The following TMEM248 variants were observed in gnomAD, a reference collection of about 807,000 sequenced individuals.
TMEM248 encodes the protein transmembrane protein 248.
Under a neutral mutation model 30.3 loss-of-function variants are expected in TMEM248, and 9 were observed. The ratio of observed to expected loss-of-function variants is 0.30; its 90% CI spans 0.18 to 0.52. TMEM248 has a LOEUF of 0.52. Among genes scored for constraint, TMEM248 ranks in the 20% least tolerant of loss-of-function variants. The pLI is 0.97. For missense variants in TMEM248, 338 were observed against 403.3 expected, an observed-to-expected ratio of 0.84 and a Z score of 1.39; for synonymous variants, 184 against 154.4, an observed-to-expected ratio of 1.19 and a Z score of -1.42.
chr7:66,944,968 T>A lies in TMEM248; in HGVS notation c.160-8T>A, dbSNP rs769007741. ...ACACCCATTTCTCTTTCTTTCACTT[T>A]CCCAAAGGATTGGAATACTTTTCTG... is the stretch of plus-strand genomic sequence containing the variant. On this transcript the variant is annotated splice_region_variant and splice_polypyrimidine_tract_variant and intron_variant, in intron 2 of 6. Transcript: ENST00000341567. The A allele has an allele frequency of 6.2e-7, 1 of 1,612,936 alleles. No homozygotes were observed. The highest frequency in any genetic ancestry group is 1.1e-5 in the South Asian group (1 of 91,070).
intron 3 of TMEM248, among the ~76,000 whole-genome samples, chr7:66,948,231 GAC>G (rs1344351175): frequency 6.6e-5 from 10 of 152,210 alleles, no homozygotes; most frequent in Non-Finnish European, 1.5e-4. Flanking sequence ...AAAATGGCTA[GAC>G]AGCTGTGCAG....
At chr7:66,940,969 T>G (rs28524571) in intron 1 of TMEM248, among the ~76,000 whole-genome samples, 24,107 of 152,020 alleles carry the variant, frequency 0.16, 2,260 homozygotes, top group East Asian at 0.29. Flanking sequence ...GAAGATTGAG[T>G]CTGGGTACGG....
chr7:66,924,689 G>T (rs918587734), intron 1 of TMEM248, among the ~76,000 whole-genome samples: 2 of 152,044 alleles, frequency 1.3e-5, no homozygotes, highest in African/African-American at 2.4e-5. Flanking sequence ...ACAGGCATGA[G>T]CCACCACACC....
In TMEM248 at chr7:66,945,099, C is replaced by T. The variant is rs762950943; in HGVS notation, c.283C>T (p.Arg95Ter). ...PESTMTSGQARASTQSPQALE... is the reference protein window; with the variant it reads ...PESTMTSGQA The stretch of plus-strand genomic sequence containing the variant: ...AAGTACAATGACCAGCGGGCAGGCC[C>T]GAGCTTCCACCCAGTCCCCCCAGGC... Residue 95 changes from arginine (R) to a stop codon, truncating the protein, a stop_gained, in exon 3 of 7, where the codon CGA (arginine) becomes TGA (stop). Transcript: ENST00000341567. LOFTEE classifies it high-confidence loss of function. 1.2e-6 allele frequency: 2 copies of T among 1,614,250 alleles called. No individual in the cohort carries two copies. Among genetic ancestry groups the T allele is most frequent in the South Asian group, 1.1e-5 (1 of 91,088 alleles).
At chr7:66,948,482 A>G (rs1478746908) in intron 3 of TMEM248, 62 bp from the exon 4 acceptor site, 3 of 1,551,768 alleles carry the variant, frequency 1.9e-6, no homozygotes, top group Admixed American at 1.9e-5. Flanking sequence ...ATTTATTTGT[A>G]TCCCAGAGAA....
intron 1 of TMEM248, among the ~76,000 whole-genome samples, chr7:66,931,860 A>G (rs1791676630): frequency 1.6e-5 from 2 of 124,854 alleles, no homozygotes; most frequent in African/African-American, 6.3e-5. Context: ...GCTGGAGTGC[A>G]GTGGTGCTAT....
intron 1 of TMEM248, among the ~76,000 whole-genome samples, chr7:66,937,220 G>C (rs1791829723): frequency 6.6e-6 from 1 of 152,168 alleles, no homozygotes; most frequent in African/African-American, 2.4e-5. Context: ...TGTTTGTATA[G>C]TTTCCAGAAT....
intron 1 of TMEM248, among the ~76,000 whole-genome samples, chr7:66,939,486 G>A (rs1215590730): frequency 6.6e-6 from 1 of 152,204 alleles, no homozygotes; most frequent in Non-Finnish European, 1.5e-5. Context: ...AGGGGCTGTT[G>A]ATGCATCTTT....
intron 1 of TMEM248, among the ~76,000 whole-genome samples, chr7:66,928,837 G>C (rs1160098653): frequency 6.6e-6 from 1 of 151,870 alleles, no homozygotes; most frequent in Non-Finnish European, 1.5e-5. Flanking sequence ...TCCCAGGCTA[G>C]AGTGCAGTGG....
intron 3 of TMEM248, among the ~76,000 whole-genome samples, chr7:66,947,527 C>T (rs761789988): frequency 4.6e-5 from 7 of 151,950 alleles, no homozygotes; most frequent in Non-Finnish European, 8.8e-5. Flanking sequence ...CTCAGACTCC[C>T]GCGTAGCTGG....
At chr7:66,948,882 GAT>G (rs2129225431) in intron 4 of TMEM248, among the ~76,000 whole-genome samples, 188 bp downstream of exon 4, 1 of 152,324 alleles carries the variant, frequency 6.6e-6, no homozygotes, top group South Asian at 2.1e-4. Flanking sequence ...GAATTCTAAA[GAT>G]AGAACTTCTG....
rs1391389699 is a variant in TMEM248, at chr7:66,955,499, C to T, written c.925-3C>T. The T allele has an allele frequency of 6.2e-7, 1 of 1,614,106 alleles. No individual in the cohort carries two copies. The highest frequency in any genetic ancestry group is 1.7e-5 in the Admixed American group (1 of 60,008). ...CTGGTTTCCCTGGCTTGCTGTCTTCCAGGTGGCTTTGGCTGAAGCCTAATT... is the reference window on the plus strand; with the variant it reads ...CTGGTTTCCCTGGCTTGCTGTCTTCTAGGTGGCTTTGGCTGAAGCCTAATT... On this transcript the variant is annotated splice_region_variant and splice_polypyrimidine_tract_variant and intron_variant, in intron 6 of 6. Coordinates refer to ENST00000341567, the MANE Select transcript of TMEM248 (RefSeq NM_017994.5).
chr7:66,950,011 T>G (rs1427471001), intron 4 of TMEM248, among the ~76,000 whole-genome samples: 1 of 152,156 alleles, frequency 6.6e-6, no homozygotes, highest in African/African-American at 2.4e-5. Context: ...AACATTACTT[T>G]GTGTTGCAGT....
intron 4 of TMEM248, among the ~76,000 whole-genome samples, chr7:66,949,715 C>G (rs374196107): frequency 1.3e-5 from 2 of 152,084 alleles, no homozygotes; most frequent in African/African-American, 4.8e-5. Context: ...ATAAATTGAA[C>G]TTTATTTTCC....
At chr7:66,949,620 T>C (rs1792208625) in intron 4 of TMEM248, among the ~76,000 whole-genome samples, 1 of 152,072 alleles carries the variant, frequency 6.6e-6, no homozygotes, top group Admixed American at 6.5e-5. Flanking sequence ...TAACTAATTT[T>C]AAAATCTAAC....
chr7:66,947,459 G>T (rs1488390186), intron 3 of TMEM248, among the ~76,000 whole-genome samples: 1 of 152,046 alleles, frequency 6.6e-6, no homozygotes, highest in African/African-American at 2.4e-5. Flanking sequence ...TTGGAGTGCA[G>T]TGGCACAATC....
intron 3 of TMEM248, among the ~76,000 whole-genome samples, chr7:66,946,830 G>A (rs1398789903): frequency 6.6e-6 from 1 of 152,210 alleles, no homozygotes; most frequent in African/African-American, 2.4e-5. Context: ...AGAAGGCAGT[G>A]GAAGCTGGAA....
intron 6 of TMEM248, among the ~76,000 whole-genome samples, chr7:66,954,093 G>A (rs981717780): frequency 6.6e-6 from 1 of 151,450 alleles, no homozygotes; most frequent in Non-Finnish European, 1.5e-5. Flanking sequence ...ACAGGCATGT[G>A]CCACCACACT....
At chr7:66,921,851 T>G (rs1182860871) in intron 1 of TMEM248, 1 of 152,182 alleles carries the variant, frequency 6.6e-6, no homozygotes, top group Non-Finnish European at 1.5e-5. Context: ...CTCAGAAAGG[T>G]GGGAGGGAGA....
Sources: gnomAD v4.1 joint callset for allele counts (sites outside exome capture counted in the v4.1 genomes callset) on GRCh38, gnomAD v4.1.1 for gene constraint, MANE v1.5 for transcripts, NCBI Gene and HGNC (gene_info 2026-07-23, HGNC 2026-07-21) for gene names.